The following SOX5 variants were observed in gnomAD, a reference collection of about 807,000 sequenced individuals.
The protein encoded by SOX5 is SRY-box transcription factor 5, also known as transcription factor SOX-5.
Under a neutral mutation model 92.0 loss-of-function variants are expected in SOX5, and 9 were observed. The observed-to-expected ratio is 0.10, with a 90% CI of 0.06 to 0.17. SOX5 has a LOEUF of 0.17. Among genes scored for constraint, SOX5 ranks in the 10% least tolerant of loss-of-function variants. The pLI is 1.00. For synonymous variants in SOX5, 344 were observed against 336.3 expected, an observed-to-expected ratio of 1.02 and a Z score of -0.25; for missense variants, 642 against 944.5, an observed-to-expected ratio of 0.68 and a Z score of 4.20.
intron 11 of SOX5, among the ~76,000 whole-genome samples, chr12:23,553,680 G>T (rs909739759): frequency 6.6e-6 from 1 of 152,040 alleles, no homozygotes; most frequent in Non-Finnish European, 1.5e-5. Flanking sequence ...AATCAGAAGG[G>T]TTAATGTGAG....
chr12:24,372,071 G>T (rs1336875440), intron 1 of SOX5, among the ~76,000 whole-genome samples: 1 of 152,038 alleles, frequency 6.6e-6, no homozygotes, highest in East Asian at 1.9e-4. Flanking sequence ...CAAATACACA[G>T]TAAATTCCTT....
intron 2 of SOX5, among the ~76,000 whole-genome samples, chr12:24,320,232 G>A (rs757337817): frequency 2.0e-5 from 3 of 152,192 alleles, no homozygotes; most frequent in African/African-American, 4.8e-5. Context: ...TCACACAATC[G>A]AGTTAGAAAT....
intron 2 of SOX5, among the ~76,000 whole-genome samples, chr12:23,884,709 G>A (rs544224954): frequency 7.2e-5 from 11 of 152,270 alleles, no homozygotes; most frequent in Admixed American, 3.3e-4. Context: ...AACCCAAACT[G>A]TATCATTTAT....
chr12:23,843,375 T>C (rs1427058991), intron 3 of SOX5, among the ~76,000 whole-genome samples: 1 of 152,092 alleles, frequency 6.6e-6, no homozygotes, highest in East Asian at 1.9e-4. Flanking sequence ...AAATATACCA[T>C]ACTAATGTAA....
At chr12:23,747,839 A>G (rs2094043532) in intron 4 of SOX5, among the ~76,000 whole-genome samples, 1 of 151,976 alleles carries the variant, frequency 6.6e-6, no homozygotes, top group African/African-American at 2.4e-5. Context: ...TAATTCATTC[A>G]GCATGTGTTC....
At chr12:23,934,284 T>C (rs1289536688) in intron 1 of SOX5, among the ~76,000 whole-genome samples, 1 of 151,222 alleles carries the variant, frequency 6.6e-6, no homozygotes, top group East Asian at 1.9e-4. Flanking sequence ...TCAGAATTAT[T>C]CCCAGCTATG....
intron 4 of SOX5, among the ~76,000 whole-genome samples, chr12:24,048,929 G>A (rs1425226486): frequency 6.6e-6 from 1 of 152,082 alleles, no homozygotes; most frequent in African/African-American, 2.4e-5. Context: ...AAATGTTTTA[G>A]CTTTGATTGT....
chr12:24,543,734 C>G (rs527330556), intron 1 of SOX5, among the ~76,000 whole-genome samples: 1 of 152,056 alleles, frequency 6.6e-6, no homozygotes, highest in African/African-American at 2.4e-5. Flanking sequence ...AGTTATAAAG[C>G]AATTAACAAC....
At chr12:24,258,978 G>A (rs768677522) in intron 3 of SOX5, among the ~76,000 whole-genome samples, 2 of 152,174 alleles carry the variant, frequency 1.3e-5, no homozygotes, top group Non-Finnish European at 2.9e-5. Context: ...ACTCTTCTAG[G>A]CTACCTCTCC....
At chr12:24,160,067 G>C (rs939527493) in intron 4 of SOX5, among the ~76,000 whole-genome samples, 1 of 148,024 alleles carries the variant, frequency 6.8e-6, no homozygotes, top group Non-Finnish European at 1.5e-5. Flanking sequence ...TCGAACAATA[G>C]AAAAAAAAAA....
At chr12:23,981,394 A>T (rs1404347651) in intron 4 of SOX5, among the ~76,000 whole-genome samples, 14 of 152,190 alleles carry the variant, frequency 9.2e-5, no homozygotes, top group Admixed American at 9.2e-4. Flanking sequence ...ATACTTTTTT[A>T]TGGTGGTGGT....
At chr12:24,141,604 C>T (rs57756143) in intron 4 of SOX5, among the ~76,000 whole-genome samples, 9,008 of 152,212 alleles carry the variant, frequency 0.059, 730 homozygotes, top group African/African-American at 0.18. Context: ...CAGTTCAAGA[C>T]GGACACTCAC....
intron 4 of SOX5, among the ~76,000 whole-genome samples, chr12:24,178,097 T>A (rs898026087): frequency 4.6e-5 from 7 of 152,188 alleles, no homozygotes; most frequent in Non-Finnish European, 1.0e-4. Flanking sequence ...CAGCATTAAT[T>A]GAGTGTCCAT....
intron 1 of SOX5, among the ~76,000 whole-genome samples, chr12:23,901,544 C>A (rs1169006521): frequency 6.6e-6 from 1 of 152,176 alleles, no homozygotes; most frequent in African/African-American, 2.4e-5. Flanking sequence ...ATTTAGTTTT[C>A]TGCTCAAACG....
intron 4 of SOX5, among the ~76,000 whole-genome samples, chr12:24,047,979 C>T (rs767961003): frequency 2.0e-5 from 3 of 152,174 alleles, no homozygotes; most frequent in Non-Finnish European, 4.4e-5. Context: ...GCTTCTAAAT[C>T]AGCCAAGAAG....
chr12:24,506,122 C>G (rs868009720), intron 1 of SOX5, among the ~76,000 whole-genome samples: 1 of 152,084 alleles, frequency 6.6e-6, no homozygotes, highest in Non-Finnish European at 1.5e-5. Flanking sequence ...ATAGTAGCAT[C>G]TTTTTGTAAT....
chr12:23,882,133 C>T (rs1276494082), intron 2 of SOX5, among the ~76,000 whole-genome samples: 2 of 152,170 alleles, frequency 1.3e-5, no homozygotes, highest in African/African-American at 4.8e-5. Context: ...AGATTTCTAA[C>T]AGGCGAGCTG....
chr12:24,493,543 T>C (rs1372467903), intron 1 of SOX5, among the ~76,000 whole-genome samples: 1 of 152,172 alleles, frequency 6.6e-6, no homozygotes, highest in Non-Finnish European at 1.5e-5. Context: ...CTGCAACTTT[T>C]CTGTAAATGT....
intron 9 of SOX5, among the ~76,000 whole-genome samples, chr12:23,589,471 G>C (rs1007855325): frequency 1.3e-5 from 2 of 151,842 alleles, no homozygotes; most frequent in Non-Finnish European, 2.9e-5. Flanking sequence ...CCTAAATATT[G>C]CTGAGTTTTC....
Sources: gnomAD v4.1 joint callset for allele counts (sites outside exome capture counted in the v4.1 genomes callset) on GRCh38, gnomAD v4.1.1 for gene constraint, MANE v1.5 for transcripts, NCBI Gene and HGNC (gene_info 2026-07-23, HGNC 2026-07-21) for gene names.